Variants in TMC8 observed in about 807,000 individuals in gnomAD.
TMC8 encodes the protein transmembrane channel like 8.
TMC8 carries 71 observed loss-of-function variants against 76.0 expected under a neutral mutation model. The observed-to-expected ratio is 0.93, with a 90% CI of 0.77 to 1.14. TMC8 has a LOEUF of 1.14. TMC8 is among the 50% of genes most tolerant of loss of function. The pLI, the probability that TMC8 is intolerant of heterozygous loss-of-function variation, is 0.00. For synonymous variants in TMC8, 433 were observed against 433.8 expected (o/e 1.00, Z 0.02); for missense variants, 924 against 947.9 (o/e 0.97, Z 0.33).
At chr17:78,135,239 C>CGGCCA (rs1567799888) in intron 9 of TMC8, among the ~76,000 whole-genome samples, 1 of 152,190 alleles carries the variant, frequency 6.6e-6, no homozygotes, top group African/African-American at 2.4e-5. Flanking sequence ...GACCAAGCTC[C>CGGCCA]GGCCATTCAG....
At position 78,131,848 on chromosome 17, in the gene TMC8, ACT is replaced by A. The variant is rs757978131; in HGVS notation, c.150-32_150-31del. The stretch of plus-strand genomic sequence containing the variant: ...TTGGCCCGGGTGGGCAGGGCGGGTG[ACT>A]CAGGGGCGCCCCTGTCACCACCCCC... On this transcript the variant is annotated intron_variant, in intron 2 of 15. Coordinates refer to ENST00000318430, the MANE Select transcript of TMC8 (RefSeq NM_152468.5). The A allele has an allele frequency of 1.6e-5, 24 of 1,471,060 alleles. No homozygotes were observed. In the East Asian group the frequency reaches 5.8e-4, roughly 36 times the overall value. The allele number at this position is 1,471,060 out of a possible 1,614,324, so 91.1% of individuals were successfully genotyped here. A position where few individuals can be genotyped will look rare whatever the true frequency, so the allele number is the denominator to read the frequency against.
rs1169900741 is a variant in TMC8, at chr17:78,130,831, A to G, written c.-329A>G. ...GTCTGAGAAGGGGACTCCTCCAGGG[A>G]CTTGGTCCCTAGGTCCCCAGGTGAG... On this transcript the variant is annotated 5_prime_UTR_variant, in exon 1 of 16. Coordinates refer to ENST00000318430, the MANE Select transcript of TMC8 (RefSeq NM_152468.5). 6.5e-6 allele frequency: 1 copy of G among 152,792 alleles called. No individual in the cohort carries two copies. The highest frequency in any genetic ancestry group is 2.4e-5 in the African/African-American group (1 of 41,392). The allele number at this position is 152,792 out of a possible 1,614,324, so 9.5% of individuals were successfully genotyped here.
At chr17:78,133,612 G>T (rs941071368) in intron 6 of TMC8, 70 bp downstream of exon 6, 55 of 1,599,398 alleles carry the variant, frequency 3.4e-5, no homozygotes, top group Non-Finnish European at 4.3e-5. Flanking sequence ...CCTTGGCAGG[G>T]TACCCTCCCA....
In TMC8 at chr17:78,133,471, C is replaced by T. The variant is rs758070362; in HGVS notation, c.597C>T (p.Tyr199=). 32 of 1,613,748 alleles carry T rather than the reference C, an allele frequency of 2.0e-5. No individual in the cohort carries two copies. In the East Asian group the frequency reaches 6.2e-4, roughly 31 times the overall value. The change falls in exon 6 of 16, where the codon TAC becomes TAT. Residue 199 remains tyrosine, a synonymous_variant. Transcript: ENST00000318430. ...YRVGPESSSV[Y]SIRLAYLLSP... Reference sequence around the variant, plus strand: ...TGGGGCCGGAGAGCAGCTCCGTGTACAGCATCCGCCTGGCCTACCTCCTCA... The same window carrying T: ...TGGGGCCGGAGAGCAGCTCCGTGTATAGCATCCGCCTGGCCTACCTCCTCA...
At chr17:78,137,961 A>G (rs752872803) in intron 11 of TMC8, 44 bp from the exon 12 acceptor site, 2 of 1,611,468 alleles carry the variant, frequency 1.2e-6, no homozygotes, top group Non-Finnish European at 1.7e-6. Flanking sequence ...CAGCCCACGC[A>G]TCTGTCTGGA....
chr17:78,138,908 A>G, intron 14 of TMC8, 176 bp downstream of exon 14: 2 of 1,536,394 alleles, frequency 1.3e-6, no homozygotes, highest in Non-Finnish European at 1.7e-6. Flanking sequence ...TGCCATGGGG[A>G]TTGCAGGATC....
In TMC8 at chr17:78,137,493, G is replaced by A. The variant is rs1029174789; in HGVS notation, c.1251+135G>A. The A allele has an allele frequency of 1.0e-4, 154 of 1,488,734 alleles. 2 individuals carry two copies. In the Admixed American group the frequency reaches 1.9e-3, roughly 18 times the overall value. The allele number at this position is 1,488,734 out of a possible 1,614,324, so 92.2% of individuals were successfully genotyped here. ...TGTGAGCAGGGCTGCCTGCACCGCCGCACACCTCCAGGGGGCGCCACTGCT... is the reference window on the plus strand; with the variant it reads ...TGTGAGCAGGGCTGCCTGCACCGCCACACACCTCCAGGGGGCGCCACTGCT... On this transcript the variant is annotated intron_variant, in intron 10 of 15. Transcript: ENST00000318430.
At position 78,131,622 on chromosome 17, in the gene TMC8, G is replaced by A; in HGVS notation, c.34G>A (p.Ala12Thr). The change falls in exon 2 of 16, where the codon GCC (alanine) becomes ACC (threonine). Residue 12 changes from alanine (A) to threonine (T), a missense_variant. By Grantham distance (58) the Ala-to-Thr change is moderately conservative. Transcript: ENST00000318430. ...GCCGCGGTCGGTGTCATCGGAGCGG[G>A]CCCCTGGGGTGCCGGAGCCGGAGGA... ...LLPRSVSSER[A>T]PGVPEPEELW... is the part of the protein sequence containing the mutation. 1 of 1,551,326 alleles carries A rather than the reference G, an allele frequency of 6.4e-7. No homozygotes were observed. Among genetic ancestry groups the A allele is most frequent in the Non-Finnish European group, 8.7e-7 (1 of 1,148,846 alleles).
At chr17:78,132,137 C>T in intron 3 of TMC8, 107 bp downstream of exon 3, 1 of 1,502,138 alleles carries the variant, frequency 6.7e-7, no homozygotes, top group South Asian at 1.2e-5. Context: ...CCGGGTCCCC[C>T]GACCAATCGG....
In TMC8 at chr17:78,140,898, G is replaced by C. The variant is rs755057465; in HGVS notation, c.1967G>C (p.Ser656Thr). 2 of 1,608,472 alleles carry C rather than the reference G, an allele frequency of 1.2e-6. No individual in the cohort carries two copies. Among genetic ancestry groups the C allele is most frequent in the African/African-American group, 2.7e-5 (2 of 74,882 alleles). ...LSRLLPEPGPSDSPGPKYPAS... is the reference protein window; with the variant it reads ...LSRLLPEPGPTDSPGPKYPAS... ...CGACTGCTGCCGGAGCCAGGCCCGA[G>C]CGACTCTCCGGGCCCCAAGTACCCT... Residue 656 changes from serine to threonine, a missense_variant, in exon 16 of 16, where the codon AGC becomes ACC. Physicochemically the swap from Ser to Thr is moderately conservative, Grantham distance 58 (BLOSUM62 1). Transcript: ENST00000318430.
intron 2 of TMC8, 68 bp downstream of exon 2, chr17:78,131,805 T>C: frequency 2.0e-6 from 3 of 1,521,690 alleles, no homozygotes; most frequent in Admixed American, 4.0e-5. Flanking sequence ...TCGGATGGTG[T>C]GGGAGCACCC....
Position 78,141,377 on chromosome 17 carries a change from T to C in TMC8, c.*265T>C. ...ATCTATTAGTATAGTATCTCTTGAATGCGATTTTTTCTAGAATGTGTTCTG... is the reference window on the plus strand; with the variant it reads ...ATCTATTAGTATAGTATCTCTTGAACGCGATTTTTTCTAGAATGTGTTCTG... On this transcript the variant is annotated 3_prime_UTR_variant, in exon 16 of 16. Transcript: ENST00000318430. The C allele has an allele frequency of 3.0e-6, 1 of 334,870 alleles. No homozygotes were observed. Among genetic ancestry groups the C allele is most frequent in the Non-Finnish European group, 5.4e-6 (1 of 185,132 alleles). 20.7% of individuals were successfully genotyped at this position (334,870 alleles called of 1,614,324 possible).
Position 78,140,837 on chromosome 17 carries a change from G to A in TMC8, c.1906G>A (p.Val636Ile), listed in dbSNP as rs1223810873. 1.2e-6 allele frequency: 2 copies of A among 1,607,748 alleles called. No homozygotes were observed. Among genetic ancestry groups the A allele is most frequent in the Admixed American group, 1.7e-5 (1 of 59,202 alleles). ...HRLRKQLVWQVQEKWHLVEDL... is the reference protein window; with the variant it reads ...HRLRKQLVWQIQEKWHLVEDL... Reference sequence around the variant, plus strand: ...TCGCCACTTGTTCTCCTCACAGCAGGTTCAGGAGAAGTGGCACCTGGTGGA... The same window carrying A: ...TCGCCACTTGTTCTCCTCACAGCAGATTCAGGAGAAGTGGCACCTGGTGGA... The change falls in exon 16 of 16, where the codon GTT becomes ATT. Residue 636 changes from valine to isoleucine, a missense_variant. Coordinates refer to ENST00000318430, the MANE Select transcript of TMC8 (RefSeq NM_152468.5).
chr17:78,139,321 G>A lies in TMC8; in HGVS notation c.1902+81G>A, dbSNP rs17773842. 0.29 allele frequency: 441,058 copies of A among 1,516,928 alleles called. 69,646 individuals carry two copies. The highest frequency in any genetic ancestry group is 0.34 in the Middle Eastern group (1,549 of 4,490). The allele number at this position is 1,516,928 out of a possible 1,614,324, so 94.0% of individuals were successfully genotyped here. On this transcript the variant is annotated intron_variant, in intron 15 of 15. Coordinates refer to ENST00000318430, the MANE Select transcript of TMC8 (RefSeq NM_152468.5). The stretch of plus-strand genomic sequence containing the variant: ...ATGTGTGGCCGAGGGCCTAGAACAC[G>A]TCTGAGCGGGTCAGGTGGGTTCTTC...
chr17:78,134,260 CATG>C, intron 7 of TMC8, 131 bp from the exon 8 acceptor site: 1 of 1,166,216 alleles, frequency 8.6e-7, no homozygotes, highest in Middle Eastern at 2.8e-4. Flanking sequence ...TCTATGGGAG[CATG>C]ACAGTGTGAG....
Position 78,138,012 on chromosome 17 carries a change from G to T in TMC8, c.1357G>T (p.Val453Leu). ...FLVTLPRRLL[V>L]DRFSGRFWAW... Reference sequence around the variant, plus strand: ...ACCCTCCCATCCCTGCAGGCTGCTGGTGGACCGGTTCTCAGGCCGGTTCTG... The same window carrying T: ...ACCCTCCCATCCCTGCAGGCTGCTGTTGGACCGGTTCTCAGGCCGGTTCTG... The change falls in exon 12 of 16, where the codon GTG becomes TTG. Residue 453 changes from valine (V) to leucine (L), a missense_variant. By Grantham distance (32) the Val-to-Leu change is conservative. Coordinates refer to ENST00000318430, the MANE Select transcript of TMC8 (RefSeq NM_152468.5). 6.2e-7 allele frequency: 1 copy of T among 1,613,918 alleles called. No individual in the cohort carries two copies. Among genetic ancestry groups the T allele is most frequent in the East Asian group, 2.2e-5 (1 of 44,872 alleles).
intron 15 of TMC8, among the ~76,000 whole-genome samples, chr17:78,139,526 T>C (rs942548632): frequency 3.3e-5 from 5 of 152,030 alleles, no homozygotes; most frequent in African/African-American, 1.2e-4. Context: ...CTTGAAGCCA[T>C]GAGTTAAAAC....
At position 78,132,873 on chromosome 17, in the gene TMC8, G is replaced by A. The variant is rs967787162; in HGVS notation, c.531+3G>A. 5.0e-6 allele frequency: 8 copies of A among 1,614,078 alleles called. No homozygotes were observed. The highest frequency in any genetic ancestry group is 5.9e-6 in the Non-Finnish European group (7 of 1,180,012). On this transcript the variant is annotated splice_donor_region_variant and intron_variant, in intron 5 of 15. Transcript: ENST00000318430. ...TTTGGCATGTTTTGACTGGCAGGGT[G>A]AGTGAGGTCTGTCCCGGCTATGGTC...
intron 9 of TMC8, chr17:78,137,023 A>G: frequency 3.0e-6 from 2 of 660,002 alleles, no homozygotes; most frequent in Non-Finnish European, 5.0e-6. Context: ...AACAAAACGA[A>G]AACACAGAAC....
Sources: allele counts gnomAD v4.1 joint callset (sites outside exome capture counted in the v4.1 genomes callset), GRCh38; gene constraint gnomAD v4.1.1; transcripts MANE v1.5; gene names NCBI Gene and HGNC (gene_info 2026-07-23, HGNC 2026-07-21).